UNC13A: variants seen among roughly 807,000 people sequenced by gnomAD.
UNC13A encodes the protein protein unc-13 homolog A.
A neutral mutation model predicts 219.7 loss-of-function variants in UNC13A; 61 were observed. The ratio of observed to expected loss-of-function variants is 0.28; its 90% CI spans 0.23 to 0.34. The LOEUF is 0.34. Ranked by LOEUF, UNC13A falls within the 10% of genes least tolerant of loss-of-function variation. UNC13A has a pLI of 1.00. For synonymous variants in UNC13A, 920 were observed against 884.6 expected (o/e 1.04, Z -0.71); for missense variants, 1,476 against 2,270.3 (o/e 0.65, Z 7.11).
chr19:17,617,372 A>G (rs1053348943), intron 41 of UNC13A, among the ~76,000 whole-genome samples: 2 of 152,104 alleles, frequency 1.3e-5, no homozygotes, highest in African/African-American at 4.8e-5. Context: ...TTGTGGCCCT[A>G]CGACGTCACA....
chr19:17,680,098 G>A (rs1000728771), intron 1 of UNC13A, among the ~76,000 whole-genome samples: 4 of 151,718 alleles, frequency 2.6e-5, no homozygotes, highest in African/African-American at 9.7e-5. Context: ...GGGTTCTCAG[G>A]AGGGAAGGGT....
intron 37 of UNC13A, among the ~76,000 whole-genome samples, chr19:17,621,239 G>A (rs1056040988): frequency 6.6e-6 from 1 of 151,996 alleles, no homozygotes; most frequent in Admixed American, 6.6e-5. Context: ...GACCCCACAC[G>A]GATTCACATC....
At chr19:17,628,111 G>A (rs550629630) in intron 31 of UNC13A, 171 bp from the exon 32 acceptor site, 14 of 634,364 alleles carry the variant, frequency 2.2e-5, no homozygotes, top group South Asian at 1.6e-4. Context: ...GTTCCTGGGC[G>A]TGTTGTTGGG....
chr19:17,631,783 C>A (rs1052218284), intron 28 of UNC13A, among the ~76,000 whole-genome samples: 13 of 152,270 alleles, frequency 8.5e-5, no homozygotes, highest in African/African-American at 3.1e-4. Context: ...CTCACTCTGT[C>A]GCCCAGGCTG....
chr19:17,670,490 G>T (rs1480668888), intron 4 of UNC13A, among the ~76,000 whole-genome samples: 2 of 151,950 alleles, frequency 1.3e-5, no homozygotes, highest in Non-Finnish European at 2.9e-5. Context: ...ACCTGCCTCA[G>T]CCTCCCAAAG....
At chr19:17,640,478 C>T (rs1319235448) in intron 22 of UNC13A, 33 bp downstream of exon 22, 32 of 1,537,966 alleles carry the variant, frequency 2.1e-5, no homozygotes, top group Non-Finnish European at 2.8e-5. Context: ...TTGGGCTCTC[C>T]CTAATTCTCC....
intron 2 of UNC13A, among the ~76,000 whole-genome samples, chr19:17,675,644 A>AAAG (rs1555698645): frequency 1.0e-3 from 146 of 145,936 alleles, no homozygotes; most frequent in Non-Finnish European, 1.4e-3. Context: ...AAAAAAAAAA[A>AAAG]AAGAAGAAGA....
In UNC13A at chr19:17,650,150, G is replaced by A. The variant is rs527370428; in HGVS notation, c.1440-563C>T. On this transcript the variant is annotated intron_variant, in intron 12 of 43. Transcript: ENST00000519716. ...GCCTCACCCTCCTCATCTGAAAAAT[G>A]GGGAGATGATGTAATTGCCCACCTT... Among the ~76,000 whole-genome samples, 8 of 152,252 alleles carry A rather than the reference G, an allele frequency of 5.3e-5. No homozygotes were observed. In the East Asian group the frequency reaches 1.5e-3, roughly 29 times the overall value.
intron 34 of UNC13A, among the ~76,000 whole-genome samples, chr19:17,625,864 T>C (rs974112243): frequency 2.4e-4 from 36 of 152,052 alleles, no homozygotes; most frequent in African/African-American, 8.0e-4. Flanking sequence ...CACCCATCTG[T>C]CCATCCATTT....
At position 17,627,469 on chromosome 19, in the gene UNC13A, G is replaced by A. The variant is rs2076795211; in HGVS notation, c.3920+40C>T. ...CCCCAGGCTTAGAGGGCTGAAGGCTGTTCCCTCCCCACTGCCCCCAGCCCT... is the reference window on the plus strand; with the variant it reads ...CCCCAGGCTTAGAGGGCTGAAGGCTATTCCCTCCCCACTGCCCCCAGCCCT... On this transcript the variant is annotated intron_variant, in intron 33 of 43. Coordinates refer to ENST00000519716, the MANE Select transcript of UNC13A (RefSeq NM_001080421.3). The surrounding 1 kb of genome is among the most constrained non-coding windows in gnomAD (Gnocchi z 4.7). The A allele has an allele frequency of 6.7e-7, 1 of 1,498,672 alleles. No homozygotes were observed. The highest frequency in any genetic ancestry group is 9.1e-7 in the Non-Finnish European group (1 of 1,098,820). 92.8% of individuals were successfully genotyped at this position (1,498,672 alleles called of 1,614,324 possible). A position where few individuals can be genotyped will look rare whatever the true frequency, so the allele number is the denominator to read the frequency against.
intron 41 of UNC13A, among the ~76,000 whole-genome samples, chr19:17,612,979 C>T (rs2076620397): frequency 6.6e-6 from 1 of 152,182 alleles, no homozygotes; most frequent in African/African-American, 2.4e-5. Context: ...TGCTTGTAAT[C>T]CTAGCATTTT....
At position 17,674,014 on chromosome 19, in the gene UNC13A, A is replaced by ACAAG. The variant is rs775838450; in HGVS notation, c.152+642_152+643insCTTG. ...CAACAGAGTGAGGCTCTGCCTCAAA[A>ACAAG]CAAACAAACAAACAAACAAAATTGG... On this transcript the variant is annotated intron_variant, in intron 3 of 43. Transcript: ENST00000519716. The surrounding 1 kb of genome is among the most constrained non-coding windows in gnomAD (Gnocchi z 5.0). 1.3e-5 allele frequency among the ~76,000 whole-genome samples: 2 copies of ACAAG among 152,248 alleles called. No individual in the cohort carries two copies. The highest frequency in any genetic ancestry group is 2.9e-5 in the Non-Finnish European group (2 of 68,042).
At chr19:17,670,032 T>C (rs1194414324) in intron 4 of UNC13A, among the ~76,000 whole-genome samples, 7 of 143,698 alleles carry the variant, frequency 4.9e-5, no homozygotes, top group African/African-American at 1.0e-4. Context: ...CTGCAAGCTC[T>C]GCCTCCTGGG....
rs576909661 is a variant in UNC13A, at chr19:17,662,931, A to G, written c.559+601T>C. ...TGAGACTCCGTCTCAAAAAAAAAAA[A>G]AAAAAGGAAAAGGAAAATGGACATT... On this transcript the variant is annotated intron_variant, in intron 8 of 43. Transcript: ENST00000519716. Among the ~76,000 whole-genome samples the G allele has an allele frequency of 5.3e-4, 80 of 151,798 alleles. 1 individual carries two copies. The highest frequency in any genetic ancestry group is 1.9e-3 in the African/African-American group (79 of 41,398).
rs777830084 is a variant in UNC13A at position 17,639,939 on chromosome 19, T to C, written c.2788-31A>G. 4 of 1,612,178 alleles carry C rather than the reference T, an allele frequency of 2.5e-6. No homozygotes were observed. In the Admixed American group the frequency reaches 6.7e-5, roughly 27 times the overall value. ...GAGGAAGGGGAGGAGGGAGGATGGA[T>C]GGAGGCAGGACATGGCCGCCATAGT... On this transcript the variant is annotated intron_variant, in intron 22 of 43. Transcript: ENST00000519716.
chr19:17,683,617 C>T (rs1180251485), intron 1 of UNC13A, among the ~76,000 whole-genome samples: 1 of 151,888 alleles, frequency 6.6e-6, no homozygotes, highest in African/African-American at 2.4e-5. Flanking sequence ...GAGATCACAC[C>T]ACTACACTGC....
chr19:17,626,500 C>T, intron 34 of UNC13A, 133 bp downstream of exon 34: 1 of 961,898 alleles, frequency 1.0e-6, no homozygotes, highest in Non-Finnish European at 1.5e-6. Context: ...ATGCCACCAT[C>T]TACTCAGCCA....
intron 41 of UNC13A, 141 bp from the exon 42 acceptor site, chr19:17,611,996 G>C: frequency 1.6e-6 from 1 of 624,818 alleles, no homozygotes; most frequent in Admixed American, 2.9e-5. Flanking sequence ...GGGGGGCCAG[G>C]ATGGGAGGTG....
intron 21 of UNC13A, among the ~76,000 whole-genome samples, 193 bp downstream of exon 21, chr19:17,641,200 T>A (rs2076965363): frequency 6.6e-6 from 1 of 152,054 alleles, no homozygotes; most frequent in African/African-American, 2.4e-5. Flanking sequence ...CTTCTAAGTC[T>A]TCCCTCTCTT....
Sources: gnomAD v4.1 joint callset for allele counts (sites outside exome capture counted in the v4.1 genomes callset) on GRCh38, gnomAD v4.1.1 for gene constraint, Gnocchi (gnomAD v3.1) non-coding constraint, MANE v1.5 for transcripts, NCBI Gene and HGNC (gene_info 2026-07-23, HGNC 2026-07-21) for gene names.